Variants in MUC5B observed in about 807,000 individuals in gnomAD.
MUC5B encodes the protein mucin 5B, oligomeric mucus/gel-forming.
A neutral mutation model predicts 376.9 loss-of-function variants in MUC5B; 116 were observed. The observed-to-expected ratio is 0.31, with a 90% CI of 0.26 to 0.36. The LOEUF (loss-of-function observed/expected upper bound fraction) is 0.36, where lower values mean the gene tolerates loss of function less well. Among genes scored for constraint, MUC5B ranks in the 10% least tolerant of loss-of-function variants. The pLI is 1.00. For synonymous variants in MUC5B, 3,517 were observed against 3,390.9 expected (o/e 1.04, Z -1.29); for missense variants, 7,165 against 7,769.9 (o/e 0.92, Z 2.93).
Position 1,223,242 on chromosome 11 carries a change from G to A in MUC5B, c.70+49G>A, listed in dbSNP as rs1376840937. ...CTCTCGATGCTGTCTTCACGGCGGG[G>A]GTCTCTGCAGGTCGCTTGCCTGGGA... On this transcript the variant is annotated intron_variant, in intron 1 of 48. Transcript: ENST00000529681. 4 of 702,832 alleles carry A rather than the reference G, an allele frequency of 5.7e-6. No individual in the cohort carries two copies. In the African/African-American group the frequency reaches 7.0e-5, roughly 12 times the overall value. The allele number at this position is 702,832 out of a possible 1,614,324, so 43.5% of individuals were successfully genotyped here.
intron 25 of MUC5B, among the ~76,000 whole-genome samples, chr11:1,238,221 A>T (rs931235645): frequency 6.6e-6 from 1 of 152,152 alleles, no homozygotes; most frequent in Non-Finnish European, 1.5e-5. Context: ...TCTGGAAAGG[A>T]AGTGACCACT....
rs1281068811 is a variant in MUC5B at position 1,258,181 on chromosome 11, C to G, written c.16533C>G (p.Asp5511Glu). The change falls in exon 42 of 49, where the codon GAC (aspartate) becomes GAG (glutamate). Residue 5511 changes from aspartate (D) to glutamate (E), a missense_variant. Asp to Glu is a conservative substitution (Grantham distance 45, BLOSUM62 2). Coordinates refer to ENST00000529681, the MANE Select transcript of MUC5B (RefSeq NM_002458.3). The surrounding 1 kb of genome is among the most constrained non-coding windows in gnomAD (Gnocchi z 5.5). The stretch of plus-strand genomic sequence containing the variant: ...CCATCTGCACCCAGGAGGAGGGCGA[C>G]TGCTGTCCCACCTTCCGCTGCAGTG... ...QESICTQEEG[D>E]CCPTFRCRPQ... The G allele has an allele frequency of 2.5e-6, 4 of 1,599,194 alleles. No homozygotes were observed. In the East Asian group the frequency reaches 9.0e-5, roughly 36 times the overall value.
In MUC5B at chr11:1,241,699, G is replaced by T. The variant is rs1862287984; in HGVS notation, c.4819G>T (p.Ala1607Ser). 1 of 1,612,200 alleles carries T rather than the reference G, an allele frequency of 6.2e-7. No individual in the cohort carries two copies. The highest frequency in any genetic ancestry group is 8.5e-7 in the Non-Finnish European group (1 of 1,179,650). ...CAGTGACGACCACTGCAGGGGACGTGCCACAACCCCGCCACCGACCACAGA... is the reference window on the plus strand; with the variant it reads ...CAGTGACGACCACTGCAGGGGACGTTCCACAACCCCGCCACCGACCACAGA... ...CCSDDHCRGRATTPPPTTELE... is the reference protein window; with the variant it reads ...CCSDDHCRGRSTTPPPTTELE... The change falls in exon 31 of 49, where the codon GCC becomes TCC. Residue 1607 changes from alanine (A) to serine (S), a missense_variant. Ala to Ser is a moderately conservative substitution (Grantham distance 99). This residue lies in a region of MUC5B where 897 missense variants were observed against 779.6 expected (regional missense o/e 1.15). Coordinates refer to ENST00000529681, the MANE Select transcript of MUC5B (RefSeq NM_002458.3).
intron 26 of MUC5B, 179 bp from the exon 27 acceptor site, chr11:1,239,259 G>A: frequency 1.1e-6 from 1 of 936,644 alleles, no homozygotes; most frequent in Non-Finnish European, 1.6e-6. Flanking sequence ...AGTTCCAAGG[G>A]CAGGGCTGGG....
intron 1 of MUC5B, chr11:1,223,525 G>A: frequency 2.4e-6 from 1 of 425,240 alleles, no homozygotes; most frequent in South Asian, 2.0e-5. Context: ...TCACAGCTGG[G>A]GGTCTCTCTG....
At chr11:1,237,725 C>T (rs573733949) in intron 25 of MUC5B, among the ~76,000 whole-genome samples, 9 of 152,092 alleles carry the variant, frequency 5.9e-5, no homozygotes, top group Non-Finnish European at 7.4e-5. Context: ...CAAAAATAGC[C>T]GGGTGTGGTG....
Position 1,241,099 on chromosome 11 carries a change from T to G in MUC5B, c.4219T>G (p.Cys1407Gly). 1 of 1,612,190 alleles carries G rather than the reference T, an allele frequency of 6.2e-7. No individual in the cohort carries two copies. Among genetic ancestry groups the G allele is most frequent in the Non-Finnish European group, 8.5e-7 (1 of 1,179,288 alleles). ...CTGTGACCGCATGCGGGGGCTGATGTGCGCCAACAGCCAACAGAGTCCCCC... is the reference window on the plus strand; with the variant it reads ...CTGTGACCGCATGCGGGGGCTGATGGGCGCCAACAGCCAACAGAGTCCCCC... Reference protein sequence around the residue: ...VDCDRMRGLMCANSQQSPPLC... With the variant: ...VDCDRMRGLMGANSQQSPPLC... The change falls in exon 31 of 49, where the codon TGC becomes GGC. Residue 1407 changes from cysteine to glycine, a missense_variant. Coordinates refer to ENST00000529681, the MANE Select transcript of MUC5B (RefSeq NM_002458.3).
At position 1,250,748 on chromosome 11, in the gene MUC5B, C is replaced by G. The variant is rs543245428; in HGVS notation, c.13868C>G (p.Thr4623Ser). 1.9e-6 allele frequency: 3 copies of G among 1,600,386 alleles called. No homozygotes were observed. Among genetic ancestry groups the G allele is most frequent in the Non-Finnish European group, 2.6e-6 (3 of 1,170,698 alleles). ...CCTCCAGTGTGGATCAGCACAACCA[C>G]CACACCCACAACCACCACACCCACA... Reference protein sequence around the residue: ...LTPPVWISTTTTPTTTTPTTS... With the variant: ...LTPPVWISTTSTPTTTTPTTS... The change falls in exon 31 of 49, where the codon ACC becomes AGC. Residue 4623 changes from threonine (T) to serine (S), a missense_variant. Physicochemically the swap from Thr to Ser is moderately conservative, Grantham distance 58. Coordinates refer to ENST00000529681, the MANE Select transcript of MUC5B (RefSeq NM_002458.3).
At chr11:1,233,603 G>C (rs2133814183) in intron 18 of MUC5B, among the ~76,000 whole-genome samples, 190 bp from the exon 19 acceptor site, 1 of 152,208 alleles carries the variant, frequency 6.6e-6, no homozygotes, top group Non-Finnish European at 1.5e-5. Flanking sequence ...CTGCCCCCCT[G>C]TGTGTATTTA....
In MUC5B at chr11:1,257,656, G is replaced by A. The variant is rs372417271; in HGVS notation, c.16396G>A (p.Val5466Ile). 32 of 1,590,510 alleles carry A rather than the reference G, an allele frequency of 2.0e-5. No individual in the cohort carries two copies. The highest frequency in any genetic ancestry group is 1.4e-4 in the East Asian group (6 of 44,262). The part of the protein sequence containing the change: ...QPPPCNRPGF[V>I]TVTRPRAENP... The stretch of plus-strand genomic sequence containing the variant: ...CCCGCCGTGCAACCGTCCCGGCTTC[G>A]TAACCGTGACCAGGCCCCGGGCCGA... The change falls in exon 41 of 49, where the codon GTA (valine) becomes ATA (isoleucine). Residue 5466 changes from valine (V) to isoleucine (I), a missense_variant. By Grantham distance (29) the Val-to-Ile change is conservative. Coordinates refer to ENST00000529681, the MANE Select transcript of MUC5B (RefSeq NM_002458.3). The surrounding 1 kb of genome is among the most constrained non-coding windows in gnomAD (Gnocchi z 8.9).
At chr11:1,256,859 GCT>G in intron 39 of MUC5B, 88 bp downstream of exon 39, 1 of 1,042,548 alleles carries the variant, frequency 9.6e-7, no homozygotes, top group South Asian at 1.7e-5. Flanking sequence ...ACCATGATGT[GCT>G]CTCCCCTCTC....
chr11:1,235,000 T>C lies in MUC5B; in HGVS notation c.2631-85T>C, dbSNP rs1055709274. The C allele has an allele frequency of 6.4e-5, 96 of 1,497,638 alleles. No homozygotes were observed. The highest frequency in any genetic ancestry group is 8.4e-5 in the Non-Finnish European group (94 of 1,124,888). 92.8% of individuals were successfully genotyped at this position (1,497,638 alleles called of 1,614,324 possible). On this transcript the variant is annotated intron_variant, in intron 21 of 48. Coordinates refer to ENST00000529681, the MANE Select transcript of MUC5B (RefSeq NM_002458.3). This position sits in a 1 kb window ranked among gnomAD's most constrained non-coding sequence, Gnocchi z 6.3. ...GCCTGGGGAGGCTGAGGCCCCGTGC[T>C]GACCTGCACAGGCCTGGGTGCCGGG...
rs376085886 is a variant in MUC5B at position 1,261,751 on chromosome 11, G to A, written c.*143G>A. The A allele has an allele frequency of 5.6e-5, 49 of 874,822 alleles. No individual in the cohort carries two copies. Among genetic ancestry groups the A allele is most frequent in the East Asian group, 1.1e-4 (4 of 38,056 alleles). The allele number at this position is 874,822 out of a possible 1,614,324, so 54.2% of individuals were successfully genotyped here. On this transcript the variant is annotated 3_prime_UTR_variant, in exon 49 of 49. Transcript: ENST00000529681. ...GCTCCGTGCTCCTGCTGCCCACCCCGTGGGTGAAACCGGCCCCAGAAGGGT... is the reference window on the plus strand; with the variant it reads ...GCTCCGTGCTCCTGCTGCCCACCCCATGGGTGAAACCGGCCCCAGAAGGGT...
chr11:1,257,697 C>T lies in MUC5B; in HGVS notation c.16437C>T (p.Pro5479=), dbSNP rs766264145. 9.0e-6 allele frequency: 14 copies of T among 1,559,238 alleles called. No homozygotes were observed. The highest frequency in any genetic ancestry group is 4.7e-5 in the East Asian group (2 of 42,306). Residue 5479 remains proline (P), a synonymous_variant, in exon 41 of 49, where the codon CCC becomes CCT. Coordinates refer to ENST00000529681, the MANE Select transcript of MUC5B (RefSeq NM_002458.3). The surrounding 1 kb of genome is among the most constrained non-coding windows in gnomAD (Gnocchi z 8.9). ...CCCGGGCCGAGAACCCCTGCTGCCC[C>T]GAGACGGTGTGCGGTAAGACGCTGC... is the stretch of plus-strand genomic sequence containing the variant. The part of the protein sequence containing the change: ...TRPRAENPCC[P]ETVCVCNTTT...
chr11:1,257,766 T>C lies in MUC5B; in HGVS notation c.16450+56T>C. On this transcript the variant is annotated intron_variant, in intron 41 of 48. Transcript: ENST00000529681. The surrounding 1 kb of genome is among the most constrained non-coding windows in gnomAD (Gnocchi z 8.9). ...ATAGGGTGAGGGGGGACAGAGCCGG[T>C]GCCCACCAGGGGCCTGTGGGTTGGG... The C allele has an allele frequency of 6.7e-7, 1 of 1,494,434 alleles. No individual in the cohort carries two copies. The highest frequency in any genetic ancestry group is 8.9e-7 in the Non-Finnish European group (1 of 1,121,734). The allele number at this position is 1,494,434 out of a possible 1,614,324, so 92.6% of individuals were successfully genotyped here.
chr11:1,226,730 G>C lies in MUC5B; in HGVS notation c.315G>C (p.Glu105Asp), dbSNP rs758445054. 2.9e-5 allele frequency: 46 copies of C among 1,612,648 alleles called. No homozygotes were observed. The highest frequency in any genetic ancestry group is 1.6e-4 in the Middle Eastern group (1 of 6,084). The change falls in exon 4 of 49, where the codon GAG (glutamate) becomes GAC (aspartate). Residue 105 changes from glutamate (E) to aspartate (D), a missense_variant. Glu to Asp is a conservative substitution (Grantham distance 45). Transcript: ENST00000529681. ...FPGLCNYVFS[E>D]HCRAAYEDFN... ...GCCTTTGCAACTACGTGTTCTCTGA[G>C]CACTGCCGCGCCGCCTACGAGGACT...
Position 1,250,687 on chromosome 11 carries a change from G to A in MUC5B, c.13807G>A (p.Ala4603Thr). 6.2e-7 allele frequency: 1 copy of A among 1,612,874 alleles called. No individual in the cohort carries two copies. Among genetic ancestry groups the A allele is most frequent in the African/African-American group, 1.3e-5 (1 of 74,834 alleles). Residue 4603 changes from alanine to threonine, a missense_variant, in exon 31 of 49, where the codon GCC becomes ACC. Around this residue, in one of 31 missense-constraint regions of MUC5B, gnomAD observed 730 missense variants for 592.7 expected, o/e 1.23. Coordinates refer to ENST00000529681, the MANE Select transcript of MUC5B (RefSeq NM_002458.3). ...GACTACCACAACCACGGGCTTCACA[G>A]CCACCCCCTCCTCCAGCCCAGGGAC... The part of the protein sequence containing the change: ...VPTTTTTGFT[A>T]TPSSSPGTAL...
chr11:1,229,911 G>A (rs1861982543), intron 10 of MUC5B, 94 bp from the exon 11 acceptor site: 4 of 1,546,002 alleles, frequency 2.6e-6, no homozygotes, highest in Non-Finnish European at 1.7e-6. Context: ...AGCTCCTGGT[G>A]TGCACCCACC....
At chr11:1,230,271 G>GC in intron 11 of MUC5B, 128 bp downstream of exon 11, 4 of 1,346,278 alleles carry the variant, frequency 3.0e-6, no homozygotes, top group Non-Finnish European at 3.0e-6. Flanking sequence ...GGAGCCCTGG[G>GC]TCCCCATGAT....
Sources: gnomAD v4.1 joint callset for allele counts (sites outside exome capture counted in the v4.1 genomes callset) on GRCh38, gnomAD v4.1.1 for gene constraint, gnomAD v4.1.1 regional missense constraint, Gnocchi (gnomAD v3.1) non-coding constraint, MANE v1.5 for transcripts, NCBI Gene and HGNC (gene_info 2026-07-23, HGNC 2026-07-21) for gene names.